The following RHOQ variants were observed in gnomAD, a reference collection of about 807,000 sequenced individuals.
RHOQ encodes the protein rho-related GTP-binding protein RhoQ.
A neutral mutation model predicts 25.8 loss-of-function variants in RHOQ; 7 were observed. The observed-to-expected ratio is 0.27, with a 90% CI of 0.15 to 0.51. The LOEUF is 0.51. Among genes scored for constraint, RHOQ ranks in the 20% least tolerant of loss-of-function variants. RHOQ has a pLI of 0.97. For missense variants in RHOQ, 165 were observed against 260.6 expected (o/e 0.63, Z 2.53); for synonymous variants, 97 against 98.6 (o/e 0.98, Z 0.10).
chr2:46,575,513 G>A (rs1669086493), intron 2 of RHOQ, among the ~76,000 whole-genome samples: 1 of 151,858 alleles, frequency 6.6e-6, no homozygotes, highest in African/African-American at 2.4e-5. Flanking sequence ...GTGGTTAAGA[G>A]TATAGACTCT....
At chr2:46,550,550 A>G (rs1199129497) in intron 2 of RHOQ, among the ~76,000 whole-genome samples, 1 of 152,138 alleles carries the variant, frequency 6.6e-6, no homozygotes, top group Non-Finnish European at 1.5e-5. Context: ...TTGCTCCCAG[A>G]TCCCCTGAGG....
At chr2:46,578,221 C>G (rs187270678) in intron 4 of RHOQ, among the ~76,000 whole-genome samples, 1 of 152,194 alleles carries the variant, frequency 6.6e-6, no homozygotes, top group East Asian at 1.9e-4. Flanking sequence ...AATTATAATA[C>G]CCGTGTAGTA....
chr2:46,544,204 C>T (rs1400467191), intron 2 of RHOQ, among the ~76,000 whole-genome samples: 1 of 152,114 alleles, frequency 6.6e-6, no homozygotes, highest in Non-Finnish European at 1.5e-5. Flanking sequence ...GTCTGCCTGC[C>T]CAAGGAGCCT....
At chr2:46,543,253 C>G (rs1237319677) in intron 1 of RHOQ, 65 bp downstream of exon 1, 25 of 1,586,082 alleles carry the variant, frequency 1.6e-5, no homozygotes, top group Non-Finnish European at 2.2e-5. Context: ...GCAACTTTGG[C>G]GGAGCCCCCT....
At chr2:46,549,855 A>G (rs1668186661) in intron 2 of RHOQ, among the ~76,000 whole-genome samples, 1 of 152,060 alleles carries the variant, frequency 6.6e-6, no homozygotes, top group African/African-American at 2.4e-5. Flanking sequence ...CTTCAAGAAC[A>G]GTGTCTTTCT....
Position 46,581,760 on chromosome 2 carries a change from T to G in RHOQ, c.*677T>G. On this transcript the variant is annotated 3_prime_UTR_variant, in exon 5 of 5. Coordinates refer to ENST00000238738, the MANE Select transcript of RHOQ (RefSeq NM_012249.4). ...ATCATGAACACTAAAAATGTACACA[T>G]TTTAGTTAATGTGCATTAAACTGTA... The G allele has an allele frequency of 2.1e-6, 2 of 960,882 alleles. No homozygotes were observed. The highest frequency in any genetic ancestry group is 3.8e-5 in the South Asian group (2 of 52,236). 59.5% of individuals were successfully genotyped at this position (960,882 alleles called of 1,614,324 possible). A position where few individuals can be genotyped will look rare whatever the true frequency, so the allele number is the denominator to read the frequency against.
chr2:46,547,796 G>T (rs2103982704), intron 2 of RHOQ, among the ~76,000 whole-genome samples: 1 of 152,328 alleles, frequency 6.6e-6, no homozygotes. Flanking sequence ...TGGAGAGATG[G>T]GATTTTCCCT....
At chr2:46,559,148 CT>C (rs1481514849) in intron 2 of RHOQ, among the ~76,000 whole-genome samples, 1 of 151,806 alleles carries the variant, frequency 6.6e-6, no homozygotes, top group Non-Finnish European at 1.5e-5. Flanking sequence ...TCTTTGGTTT[CT>C]TTTTGTTGTT....
chr2:46,557,184 A>G (rs1668434672), intron 2 of RHOQ, among the ~76,000 whole-genome samples: 1 of 152,098 alleles, frequency 6.6e-6, no homozygotes, highest in Non-Finnish European at 1.5e-5. Context: ...TTTGCCAAAG[A>G]CTCTTTGGTT....
intron 2 of RHOQ, among the ~76,000 whole-genome samples, chr2:46,574,347 T>TTTC (rs1553422466): frequency 2.0e-5 from 3 of 151,974 alleles, no homozygotes; most frequent in African/African-American, 2.4e-5. Context: ...TTTTTTTTTT[T>TTTC]TTTCTTTTAT....
At chr2:46,579,839 G>C (rs1207510055) in intron 4 of RHOQ, among the ~76,000 whole-genome samples, 1 of 134,482 alleles carries the variant, frequency 7.4e-6, no homozygotes, top group Non-Finnish European at 1.5e-5. Flanking sequence ...GAGTGAAACT[G>C]TCTCAAAAAA....
In RHOQ at chr2:46,543,773, C is replaced by T. The variant is rs144080574; in HGVS notation, c.162C>T (p.Gly54=). ...TTGCAGTCAGCGTCACCGTGGGGGG[C>T]AAGCAGTACCTCCTAGGACTCTATG... The part of the protein sequence containing the change: ...DHYAVSVTVG[G]KQYLLGLYDT... Residue 54 remains glycine, a synonymous_variant, in exon 2 of 5, where the codon GGC becomes GGT. Transcript: ENST00000238738. 16 of 1,613,664 alleles carry T rather than the reference C, an allele frequency of 9.9e-6. No individual in the cohort carries two copies. The African/African-American group carries it at 2.1e-4, about 22-fold the overall frequency.
Position 46,581,556 on chromosome 2 carries a change from A to G in RHOQ, c.*473A>G. On this transcript the variant is annotated 3_prime_UTR_variant, in exon 5 of 5. Coordinates refer to ENST00000238738, the MANE Select transcript of RHOQ (RefSeq NM_012249.4). ...AAATAACAAGGCCAGCCACGTAGCCAAAGGTCGCTCCAAGCGTACAGGAGA... is the reference window on the plus strand; with the variant it reads ...AAATAACAAGGCCAGCCACGTAGCCGAAGGTCGCTCCAAGCGTACAGGAGA... The G allele has an allele frequency of 6.2e-7, 1 of 1,611,574 alleles. No individual in the cohort carries two copies. The highest frequency in any genetic ancestry group is 8.5e-7 in the Non-Finnish European group (1 of 1,179,530).
chr2:46,546,400 A>C lies in RHOQ; in HGVS notation c.201+2588A>C, dbSNP rs981986616. On this transcript the variant is annotated intron_variant, in intron 2 of 4. Coordinates refer to ENST00000238738, the MANE Select transcript of RHOQ (RefSeq NM_012249.4). ...ATAAACATGTAAATAAAAAGTAAAT[A>C]AAAAACATTAAGGGTTTATATATAT... Among the ~76,000 whole-genome samples, 20 of 145,326 alleles carry C rather than the reference A, an allele frequency of 1.4e-4. 1 individual carries two copies. The South Asian group carries it at 4.3e-3, about 32-fold the overall frequency.
chr2:46,564,716 C>G (rs991583144), intron 2 of RHOQ, among the ~76,000 whole-genome samples: 4 of 152,144 alleles, frequency 2.6e-5, no homozygotes, highest in African/African-American at 7.2e-5. Context: ...CTGCGTGTTG[C>G]CTTTGTCTAT....
intron 2 of RHOQ, among the ~76,000 whole-genome samples, chr2:46,564,560 G>T (rs540192571): frequency 6.6e-5 from 10 of 152,116 alleles, no homozygotes; most frequent in Non-Finnish European, 1.3e-4. Context: ...AGCAGAGTGG[G>T]GCTCAAGTAT....
At chr2:46,561,001 AACACACACACACACAC>A (rs61040858) in intron 2 of RHOQ, among the ~76,000 whole-genome samples, 2 of 141,344 alleles carry the variant, frequency 1.4e-5, no homozygotes, top group African/African-American at 2.6e-5. Flanking sequence ...AGACCCCATA[AACACACACACACACAC>A]ACACACACAC....
chr2:46,580,942 C>T lies in RHOQ; in HGVS notation c.477C>T (p.Cys159=), dbSNP rs1558695599. Residue 159 remains cysteine (C), a synonymous_variant, in exon 5 of 5, where the codon TGC becomes TGT. Coordinates refer to ENST00000238738, the MANE Select transcript of RHOQ (RefSeq NM_012249.4). ...CTCCCTCCCAGATAGGAGCATGCTG[C>T]TATGTGGAATGTTCAGCTTTAACCC... ...QKLAKEIGAC[C]YVECSALTQK... 3 of 1,518,588 alleles carry T rather than the reference C, an allele frequency of 2.0e-6. No homozygotes were observed. Among genetic ancestry groups the T allele is most frequent in the East Asian group, 2.4e-5 (1 of 41,690 alleles). 94.1% of individuals were successfully genotyped at this position (1,518,588 alleles called of 1,614,324 possible).
chr2:46,570,285 A>G (rs564617350), intron 2 of RHOQ, among the ~76,000 whole-genome samples: 1 of 152,198 alleles, frequency 6.6e-6, no homozygotes, highest in East Asian at 1.9e-4. Flanking sequence ...CTAAAAATAC[A>G]AAAAATTAGC....
Sources: gnomAD v4.1 joint callset for allele counts (sites outside exome capture counted in the v4.1 genomes callset) on GRCh38, gnomAD v4.1.1 for gene constraint, MANE v1.5 for transcripts, NCBI Gene and HGNC (gene_info 2026-07-23, HGNC 2026-07-21) for gene names.